Variants in SEC31A observed in about 807,000 individuals in gnomAD.
SEC31A encodes SEC31 homolog A, COPII component, also known as protein transport protein Sec31A.
A neutral mutation model predicts 151.0 loss-of-function variants in SEC31A; 70 were observed. That is an observed-to-expected ratio of 0.46 (90% confidence interval 0.38 to 0.57). The LOEUF (loss-of-function observed/expected upper bound fraction) is 0.57, where lower values mean the gene tolerates loss of function less well. SEC31A is among the 20% of genes least tolerant of loss of function. The pLI is 0.00. For missense variants in SEC31A, 1,330 were observed against 1,471.2 expected, an observed-to-expected ratio of 0.90 and a Z score of 1.57; for synonymous variants, 475 against 505.9, an observed-to-expected ratio of 0.94 and a Z score of 0.82.
intron 18 of SEC31A, among the ~76,000 whole-genome samples, chr4:82,852,869 G>A (rs148335016): frequency 1.3e-4 from 20 of 152,260 alleles, no homozygotes; most frequent in Middle Eastern, 6.8e-3. Flanking sequence ...CAGGGGGGAT[G>A]GTTTCAGGAT....
upstream of SEC31A, chr4:82,894,469 A>C (rs1399875674): frequency 6.6e-6 from 1 of 152,200 alleles, no homozygotes; most frequent in Non-Finnish European, 1.5e-5. Context: ...TTTTCCAGTC[A>C]AAATTGTGTA....
At position 82,842,157 on chromosome 4, in the gene SEC31A, G is replaced by A; in HGVS notation, c.2951C>T (p.Pro984Leu). The part of the protein sequence containing the change: ...TGTLPAASEL[P>L]ASQRTGPQNG... Reference sequence around the variant, plus strand: ...GCGCAGACCTGTTCTTTGGGACGCAGGCAGCTCACTGGCAGCAGGCAGTGT... The same window carrying A: ...GCGCAGACCTGTTCTTTGGGACGCAAGCAGCTCACTGGCAGCAGGCAGTGT... Residue 984 changes from proline (P) to leucine (L), a missense_variant, in exon 22 of 27, where the codon CCT becomes CTT. By Grantham distance (98) the Pro-to-Leu change is moderately conservative. Coordinates refer to ENST00000395310, the MANE Select transcript of SEC31A (RefSeq NM_001077207.4). 6.4e-7 allele frequency: 1 copy of A among 1,565,304 alleles called. No homozygotes were observed. Among genetic ancestry groups the A allele is most frequent in the Non-Finnish European group, 8.7e-7 (1 of 1,154,264 alleles).
intron 1 of SEC31A, among the ~76,000 whole-genome samples, chr4:82,884,134 A>ACAC (rs1245939265): frequency 6.6e-6 from 1 of 151,548 alleles, no homozygotes; most frequent in Non-Finnish European, 1.5e-5. Flanking sequence ...TTACAGGCAC[A>ACAC]CACCACCACA....
intron 24 of SEC31A, among the ~76,000 whole-genome samples, chr4:82,825,748 C>G (rs1724412494): frequency 6.6e-6 from 1 of 152,176 alleles, no homozygotes. Flanking sequence ...TAGATATCGG[C>G]AGACCAATTA....
chr4:82,874,926 G>A (rs1010657448), intron 5 of SEC31A, among the ~76,000 whole-genome samples, 175 bp from the exon 6 acceptor site: 1 of 152,030 alleles, frequency 6.6e-6, no homozygotes, highest in African/African-American at 2.4e-5. Context: ...AAAATTATAT[G>A]ACTTAAAATG....
intron 22 of SEC31A, among the ~76,000 whole-genome samples, chr4:82,841,441 T>TA (rs1302783843): frequency 0.029 from 1,348 of 47,004 alleles, 39 homozygotes; most frequent in African/African-American, 0.091. Flanking sequence ...AAAAAAAAAT[T>TA]TTATATATAT....
chr4:82,825,017 C>T (rs1309174037), intron 24 of SEC31A, among the ~76,000 whole-genome samples: 2 of 152,152 alleles, frequency 1.3e-5, no homozygotes, highest in African/African-American at 2.4e-5. Context: ...GGAAAACACA[C>T]TCGGCTGGTT....
intron 1 of SEC31A, among the ~76,000 whole-genome samples, chr4:82,889,392 A>G (rs918921997): frequency 1.1e-4 from 17 of 152,080 alleles, no homozygotes; most frequent in Admixed American, 6.6e-4. Context: ...ATCTCTATAA[A>G]AAATAAGATT....
chr4:82,846,657 TCTTC>T (rs1730287823), intron 20 of SEC31A, among the ~76,000 whole-genome samples: 3 of 152,260 alleles, frequency 2.0e-5, no homozygotes, highest in Admixed American at 2.0e-4. Context: ...ATATATTTTC[TCTTC>T]CTTATGATTT....
chr4:82,863,632 A>T (rs1734660693), intron 11 of SEC31A, among the ~76,000 whole-genome samples: 1 of 152,026 alleles, frequency 6.6e-6, no homozygotes, highest in Non-Finnish European at 1.5e-5. Flanking sequence ...GTTATTTATT[A>T]ATAGTAAATA....
Position 82,866,896 on chromosome 4 carries a change from A to G in SEC31A, c.1109T>C (p.Ile370Thr). 1 of 1,614,182 alleles carries G rather than the reference A, an allele frequency of 6.2e-7. No individual in the cohort carries two copies. The part of the protein sequence containing the change: ...GTGQPLPPLQ[I>T]PQQTAQHSIV... ...ACTATGCTGAGCAGTCTGCTGTGGAATTTGTAACGGAGGAAGGGGCTGTCC... is the reference window on the plus strand; with the variant it reads ...ACTATGCTGAGCAGTCTGCTGTGGAGTTTGTAACGGAGGAAGGGGCTGTCC... The change falls in exon 10 of 27, where the codon ATT becomes ACT. Residue 370 changes from isoleucine (I) to threonine (T), a missense_variant. Coordinates refer to ENST00000395310, the MANE Select transcript of SEC31A (RefSeq NM_001077207.4).
At position 82,863,309 on chromosome 4, in the gene SEC31A, A is replaced by C; in HGVS notation, c.1509+9T>G. 1 of 1,540,080 alleles carries C rather than the reference A, an allele frequency of 6.5e-7. No individual in the cohort carries two copies. The highest frequency in any genetic ancestry group is 1.4e-5 in the African/African-American group (1 of 72,278). On this transcript the variant is annotated intron_variant, in intron 12 of 26. Coordinates refer to ENST00000395310, the MANE Select transcript of SEC31A (RefSeq NM_001077207.4). ...AAGAGCATGCCATCTAACTTTCCCA[A>C]AAGTTTACCTTCTTTCCTAGATCTT...
rs752166035 is a variant in SEC31A at position 82,861,702 on chromosome 4, T to C, written c.1555A>G (p.Lys519Glu). ...CTCTGTGCTACTTGGTCAGAGTCTT[T>C]AAGAGCCTTTGGTACACAAAACAAT... is the stretch of plus-strand genomic sequence containing the variant. Reference protein sequence around the residue: ...NKVDGANVALKDSDQVAQSDG... With the variant: ...NKVDGANVALEDSDQVAQSDG... Residue 519 changes from lysine to glutamate, a missense_variant, in exon 14 of 27, where the codon AAA becomes GAA. Physicochemically the swap from Lys to Glu is moderately conservative, Grantham distance 56. Coordinates refer to ENST00000395310, the MANE Select transcript of SEC31A (RefSeq NM_001077207.4). 1.2e-6 allele frequency: 2 copies of C among 1,605,812 alleles called. No homozygotes were observed. The highest frequency in any genetic ancestry group is 2.7e-5 in the African/African-American group (2 of 74,918).
exon 1 of SEC31A, chr4:82,900,488 G>C (rs940284859): frequency 2.6e-6 from 1 of 383,342 alleles, no homozygotes. Flanking sequence ...TGCCAGAATG[G>C]GTGAAAACAG....
At chr4:82,855,688 A>C (rs1732473109) in intron 16 of SEC31A, among the ~76,000 whole-genome samples, 1 of 152,232 alleles carries the variant, frequency 6.6e-6, no homozygotes, top group African/African-American at 2.4e-5. Context: ...ATAACACAGG[A>C]ACAGAAAACC....
At chr4:82,853,778 G>A in intron 17 of SEC31A, 63 bp from the exon 18 acceptor site, 2 of 1,314,548 alleles carry the variant, frequency 1.5e-6, no homozygotes, top group Non-Finnish European at 2.1e-6. Context: ...GAGGCTGTGA[G>A]CAGCTAAATA....
chr4:82,887,939 G>C (rs1415996302), intron 1 of SEC31A, among the ~76,000 whole-genome samples: 1 of 151,374 alleles, frequency 6.6e-6, no homozygotes, highest in Non-Finnish European at 1.5e-5. Context: ...CCAGCTACTC[G>C]GGAGGCTGAG....
chr4:82,864,284 G>C (rs1051250190), intron 11 of SEC31A, 78 bp downstream of exon 11: 3 of 982,668 alleles, frequency 3.1e-6, no homozygotes, highest in Non-Finnish European at 4.7e-6. Flanking sequence ...TTCTTTAATA[G>C]GAGGACAGAT....
chr4:82,837,233 T>C (rs1727600294), intron 22 of SEC31A, among the ~76,000 whole-genome samples: 1 of 143,014 alleles, frequency 7.0e-6, no homozygotes, highest in African/African-American at 2.6e-5. Flanking sequence ...ATGCAAGTTT[T>C]TATGTATGCA....
Sources: gnomAD v4.1 joint callset for allele counts (sites outside exome capture counted in the v4.1 genomes callset) on GRCh38, gnomAD v4.1.1 for gene constraint, MANE v1.5 for transcripts, NCBI Gene and HGNC (gene_info 2026-07-23, HGNC 2026-07-21) for gene names.